ARHGEF3: variants seen among roughly 807,000 people sequenced by gnomAD.
The protein encoded by ARHGEF3 is 59.8 kDA protein.
In ARHGEF3, 28 loss-of-function variants were observed where a neutral mutation model predicts 63.2. The observed-to-expected ratio is 0.44, with a 90% CI of 0.33 to 0.61. ARHGEF3 has a LOEUF of 0.61. Among genes scored for constraint, ARHGEF3 ranks in the 20% least tolerant of loss-of-function variants. The pLI is 0.03. For synonymous variants in ARHGEF3, 266 were observed against 254.2 expected, an observed-to-expected ratio of 1.05 and a Z score of -0.44; for missense variants, 533 against 659.3, an observed-to-expected ratio of 0.81 and a Z score of 2.10.
chr3:56,837,123 A>G (rs745856422), intron 4 of ARHGEF3, among the ~76,000 whole-genome samples: 1 of 152,240 alleles, frequency 6.6e-6, no homozygotes, highest in Non-Finnish European at 1.5e-5. Flanking sequence ...AAGAAAGTGA[A>G]GAGTCAGGAT....
At chr3:56,975,263 C>T (rs1042172532) in intron 2 of ARHGEF3, among the ~76,000 whole-genome samples, 4 of 151,880 alleles carry the variant, frequency 2.6e-5, no homozygotes, top group Non-Finnish European at 5.9e-5. Flanking sequence ...ACTAAAAATT[C>T]AAAAATTAGC....
intron 3 of ARHGEF3, among the ~76,000 whole-genome samples, chr3:56,889,198 A>G (rs1033044230): frequency 6.6e-6 from 1 of 152,142 alleles, no homozygotes; most frequent in Non-Finnish European, 1.5e-5. Flanking sequence ...CACAAGGCAG[A>G]CATCTGAATC....
intron 3 of ARHGEF3, among the ~76,000 whole-genome samples, chr3:56,889,597 C>T (rs2041043059): frequency 1.3e-5 from 2 of 152,166 alleles, no homozygotes; most frequent in Admixed American, 1.3e-4. Flanking sequence ...TAGTAACTTG[C>T]TCAAGGTCAC....
intron 4 of ARHGEF3, 46 bp from the exon 5 acceptor site, chr3:56,751,442 G>A (rs1458735135): frequency 3.9e-6 from 6 of 1,522,150 alleles, no homozygotes; most frequent in Non-Finnish European, 5.5e-6. Flanking sequence ...TAAAATCAGA[G>A]GAAGTACATT....
At chr3:56,920,424 G>C (rs1305076258) in intron 3 of ARHGEF3, among the ~76,000 whole-genome samples, 1 of 152,070 alleles carries the variant, frequency 6.6e-6, no homozygotes, top group Non-Finnish European at 1.5e-5. Flanking sequence ...TATATCTGAG[G>C]GTATTTTCTG....
chr3:56,992,249 C>A (rs1161204158), intron 2 of ARHGEF3, among the ~76,000 whole-genome samples: 1 of 151,674 alleles, frequency 6.6e-6, no homozygotes, highest in African/African-American at 2.4e-5. Flanking sequence ...TATATTTGTA[C>A]AAGAGTCAGA....
At chr3:56,818,058 A>C (rs189211456) in intron 4 of ARHGEF3, among the ~76,000 whole-genome samples, 40 of 152,358 alleles carry the variant, frequency 2.6e-4, no homozygotes, top group Admixed American at 1.6e-3. Flanking sequence ...CTTGTGGAAC[A>C]TTAATCACTT....
chr3:57,052,889 T>C (rs34608952), intron 1 of ARHGEF3, among the ~76,000 whole-genome samples: 12,616 of 152,026 alleles, frequency 0.083, 679 homozygotes, highest in Non-Finnish European at 0.1. Flanking sequence ...CCCATCCAGC[T>C]TGGAGATCTG....
At chr3:56,831,168 C>G (rs994617201) in intron 4 of ARHGEF3, among the ~76,000 whole-genome samples, 1 of 152,230 alleles carries the variant, frequency 6.6e-6, no homozygotes, top group African/African-American at 2.4e-5. Flanking sequence ...TTACTCTTCT[C>G]AAGAACACTT....
intron 1 of ARHGEF3, among the ~76,000 whole-genome samples, chr3:56,798,914 C>A (rs1200359505): frequency 2.0e-5 from 3 of 152,088 alleles, no homozygotes; most frequent in African/African-American, 7.2e-5. Context: ...CATTTGCCAA[C>A]CAATTCAAAC....
At chr3:57,026,861 T>C (rs1181100697) in intron 2 of ARHGEF3, among the ~76,000 whole-genome samples, 1 of 152,232 alleles carries the variant, frequency 6.6e-6, no homozygotes, top group Non-Finnish European at 1.5e-5. Context: ...CCTATCACTA[T>C]ATTCGTCTCC....
chr3:56,891,712 A>G (rs1178693252), intron 3 of ARHGEF3, among the ~76,000 whole-genome samples: 5 of 152,176 alleles, frequency 3.3e-5, no homozygotes, highest in Non-Finnish European at 1.5e-5. Flanking sequence ...GGTTACTGTG[A>G]AAGTTAAATA....
chr3:57,036,731 G>A lies in ARHGEF3; in HGVS notation c.-27-1555C>T, dbSNP rs74372148. Among the ~76,000 whole-genome samples the A allele has an allele frequency of 5.6e-3, 853 of 152,254 alleles. 14 individuals carry two copies. The highest frequency in any genetic ancestry group is 0.02 in the African/African-American group (813 of 41,538). On this transcript the variant is annotated intron_variant, in intron 1 of 12. Coordinates refer to the ARHGEF3 transcript ENST00000338458. ...GTGTATTGGTCTCCAGCCTGTCATC[G>A]TCCAGGCACAGGGGGTGAGGGTAAT...
chr3:56,877,896 T>C (rs2040642464), intron 4 of ARHGEF3, among the ~76,000 whole-genome samples: 1 of 152,150 alleles, frequency 6.6e-6, no homozygotes, highest in Non-Finnish European at 1.5e-5. Flanking sequence ...ATTATCTTTA[T>C]ACCATTTGTA....
At chr3:56,917,808 C>T (rs1302517811) in intron 3 of ARHGEF3, among the ~76,000 whole-genome samples, 1 of 152,276 alleles carries the variant, frequency 6.6e-6, no homozygotes, top group African/African-American at 2.4e-5. Context: ...AACTGACAGG[C>T]TTGGGTCTTG....
intron 8 of ARHGEF3, among the ~76,000 whole-genome samples, chr3:56,736,209 C>T (rs1039318812): frequency 1.3e-5 from 2 of 152,116 alleles, no homozygotes; most frequent in African/African-American, 2.4e-5. Flanking sequence ...CCAGTATGTG[C>T]CAGGTCCCCA....
At chr3:56,787,073 T>C (rs1323716376) in intron 1 of ARHGEF3, among the ~76,000 whole-genome samples, 4 of 152,146 alleles carry the variant, frequency 2.6e-5, no homozygotes, top group Non-Finnish European at 1.5e-5. Flanking sequence ...TGTTTTCCAA[T>C]ATGGGCCATC....
intron 2 of ARHGEF3, among the ~76,000 whole-genome samples, chr3:57,000,274 G>T (rs1423259657): frequency 4.0e-5 from 6 of 149,552 alleles, no homozygotes; most frequent in Non-Finnish European, 3.0e-5. Context: ...GTGAGAGGCA[G>T]ATTTATTGTA....
chr3:56,920,306 G>A (rs200530385), intron 3 of ARHGEF3, among the ~76,000 whole-genome samples: 1 of 152,146 alleles, frequency 6.6e-6, no homozygotes, highest in Admixed American at 6.5e-5. Context: ...AACCCCTCTT[G>A]TTGGGCTCTA....
Sources: gnomAD v4.1 joint callset for allele counts (sites outside exome capture counted in the v4.1 genomes callset) on GRCh38, gnomAD v4.1.1 for gene constraint, MANE v1.5 for transcripts, NCBI Gene and HGNC (gene_info 2026-07-23, HGNC 2026-07-21) for gene names.